Variants in ITGAM observed in about 807,000 individuals in gnomAD.
ITGAM encodes the protein integrin alpha-M.
Under a neutral mutation model 137.5 loss-of-function variants are expected in ITGAM, and 79 were observed. That is an observed-to-expected ratio of 0.57 (90% CI 0.48 to 0.69). The LOEUF (loss-of-function observed/expected upper bound fraction) is 0.69, where lower values mean the gene tolerates loss of function less well. Ranked by LOEUF, ITGAM falls within the 30% of genes least tolerant of loss-of-function variation. ITGAM has a pLI of 0.00. For missense variants in ITGAM, 1,343 were observed against 1,483.5 expected, an observed-to-expected ratio of 0.91 and a Z score of 1.56; for synonymous variants, 583 against 592.3, an observed-to-expected ratio of 0.98 and a Z score of 0.23.
chr16:31,313,933 A>G (rs1225728060), intron 14 of ITGAM, among the ~76,000 whole-genome samples: 1 of 152,010 alleles, frequency 6.6e-6, no homozygotes, highest in African/African-American at 2.4e-5. Flanking sequence ...AACTGGCATG[A>G]GATGGTATCT....
chr16:31,294,589 A>G (rs2080115762), intron 12 of ITGAM, among the ~76,000 whole-genome samples: 1 of 152,140 alleles, frequency 6.6e-6, no homozygotes, highest in South Asian at 2.1e-4. Flanking sequence ...AGCCTACCTG[A>G]TCATGGTGGA....
chr16:31,292,755 T>C (rs946984211), intron 12 of ITGAM, among the ~76,000 whole-genome samples: 1 of 152,180 alleles, frequency 6.6e-6, no homozygotes, highest in South Asian at 2.1e-4. Context: ...GGTAGGATGA[T>C]ATATATTACT....
At chr16:31,306,886 G>A (rs1457797830) in intron 14 of ITGAM, among the ~76,000 whole-genome samples, 2 of 152,120 alleles carry the variant, frequency 1.3e-5, no homozygotes, top group African/African-American at 4.8e-5. Flanking sequence ...GTTAGTATTA[G>A]TGTCCAATAA....
At chr16:31,265,982 A>G in intron 4 of ITGAM, 48 bp from the exon 5 acceptor site, 1 of 1,595,260 alleles carries the variant, frequency 6.3e-7, no homozygotes, top group Non-Finnish European at 8.6e-7. Context: ...GCTGGGGTAC[A>G]AGGACAGGAA....
chr16:31,330,620 C>T lies in ITGAM; in HGVS notation c.3276+15C>T. 1.9e-6 allele frequency: 3 copies of T among 1,569,554 alleles called. No homozygotes were observed. The highest frequency in any genetic ancestry group is 2.6e-6 in the Non-Finnish European group (3 of 1,152,306). ...TGAGGTCCCAGGTACCTGTCTTGGG[C>T]GCTGAGGAACTATTGGAGGGAGAGG... is the stretch of plus-strand genomic sequence containing the variant. On this transcript the variant is annotated intron_variant, in intron 28 of 29. Transcript: ENST00000544665.
chr16:31,310,100 C>G (rs574984371), intron 14 of ITGAM, among the ~76,000 whole-genome samples: 1,722 of 151,194 alleles, frequency 0.011, 36 homozygotes, highest in African/African-American at 0.04. Context: ...GTGGGTAACC[C>G]AACCTTTCTC....
intron 16 of ITGAM, among the ~76,000 whole-genome samples, chr16:31,323,783 T>C (rs1392508572): frequency 6.6e-6 from 1 of 152,054 alleles, no homozygotes; most frequent in East Asian, 1.9e-4. Flanking sequence ...CCTAGCGCTT[T>C]GGGAGGCTGA....
intron 14 of ITGAM, among the ~76,000 whole-genome samples, chr16:31,302,923 T>C (rs1365990297): frequency 1.9e-4 from 1 of 5,254 alleles, no homozygotes; most frequent in African/African-American, 6.7e-4. Flanking sequence ...CCTCCCTCTT[T>C]CTTTCTTTCT....
At chr16:31,280,674 C>T (rs1241005168) in intron 12 of ITGAM, among the ~76,000 whole-genome samples, 4 of 152,112 alleles carry the variant, frequency 2.6e-5, no homozygotes, top group South Asian at 2.1e-4. Flanking sequence ...ACAATCATGT[C>T]GTCTGCAAAC....
chr16:31,297,955 G>A lies in ITGAM; in HGVS notation c.1707+1G>A, dbSNP rs2080154669. 1 of 1,611,666 alleles carries A rather than the reference G, an allele frequency of 6.2e-7. No individual in the cohort carries two copies. The highest frequency in any genetic ancestry group is 8.5e-7 in the Non-Finnish European group (1 of 1,177,902). On this transcript the variant is annotated splice_donor_variant, in intron 14 of 29. Coordinates refer to ENST00000544665, the MANE Select transcript of ITGAM (RefSeq NM_000632.4). LOFTEE classifies it high-confidence loss of function. ...TGGCATCAGCCCCTCCCATAGCCAGGTGAGACCTGGTCACTGTCCTTGTCA... is the reference window on the plus strand; with the variant it reads ...TGGCATCAGCCCCTCCCATAGCCAGATGAGACCTGGTCACTGTCCTTGTCA...
chr16:31,277,997 G>A lies in ITGAM; in HGVS notation c.1244G>A (p.Arg415Gln), dbSNP rs772480748. Residue 415 changes from arginine (R) to glutamine (Q), a missense_variant, in exon 12 of 30, where the codon CGG becomes CAG. Transcript: ENST00000544665. ...GCTGCCGCCATCATCTTACGGAACC[G>A]GGTGCAAAGCCTGGTTCTGGGGGCA... ...GYAAAIILRN[R>Q]VQSLVLGAPR... 21 of 1,602,944 alleles carry A rather than the reference G, an allele frequency of 1.3e-5. No individual in the cohort carries two copies. Among genetic ancestry groups the A allele is most frequent in the Admixed American group, 1.7e-5 (1 of 58,348 alleles).
chr16:31,264,501 G>A (rs986616202), intron 2 of ITGAM, among the ~76,000 whole-genome samples: 86 of 152,118 alleles, frequency 5.7e-4, no homozygotes, highest in Middle Eastern at 3.4e-3. Context: ...TGTGTGGGCC[G>A]GGTCCAGTGG....
chr16:31,301,125 T>C (rs2144395188), intron 14 of ITGAM, among the ~76,000 whole-genome samples: 1 of 152,338 alleles, frequency 6.6e-6, no homozygotes, highest in South Asian at 2.1e-4. Flanking sequence ...TCTGTACTTT[T>C]GGTGTCATAG....
intron 10 of ITGAM, 54 bp from the exon 11 acceptor site, chr16:31,276,866 G>A (rs1399471256): frequency 1.3e-6 from 2 of 1,593,970 alleles, no homozygotes; most frequent in African/African-American, 2.7e-5. Context: ...TCTGTGAGGG[G>A]CAGCGGTTGT....
At chr16:31,323,989 G>T (rs2080477041) in intron 16 of ITGAM, among the ~76,000 whole-genome samples, 3 of 151,712 alleles carry the variant, frequency 2.0e-5, no homozygotes, top group African/African-American at 7.3e-5. Context: ...CTCCAGCCTG[G>T]GCAAGAGAGT....
intron 14 of ITGAM, among the ~76,000 whole-genome samples, chr16:31,301,396 G>T (rs2144395848): frequency 6.6e-6 from 1 of 152,124 alleles, no homozygotes; most frequent in Middle Eastern, 3.4e-3. Context: ...TTATTTCTGG[G>T]CTCTGTATTC....
At chr16:31,330,745 T>A (rs1433723782) in intron 28 of ITGAM, 140 bp downstream of exon 28, 1 of 640,508 alleles carries the variant, frequency 1.6e-6, no homozygotes, top group Non-Finnish European at 2.7e-6. Flanking sequence ...TACAGAGACG[T>A]AAGGAGAGAG....
intron 14 of ITGAM, 71 bp downstream of exon 14, chr16:31,298,025 C>A: frequency 8.0e-7 from 1 of 1,248,154 alleles, no homozygotes; most frequent in Non-Finnish European, 1.2e-6. Flanking sequence ...TCAGTGTGCC[C>A]ACAGCTGCCA....
chr16:31,275,014 G>A (rs1018427572), intron 8 of ITGAM, among the ~76,000 whole-genome samples: 6 of 152,156 alleles, frequency 3.9e-5, no homozygotes, highest in Non-Finnish European at 8.8e-5. Flanking sequence ...AGTCAGTTAT[G>A]TCAAGGGTGC....
Sources: allele counts gnomAD v4.1 joint callset (sites outside exome capture counted in the v4.1 genomes callset), GRCh38; gene constraint gnomAD v4.1.1; transcripts MANE v1.5; gene names NCBI Gene and HGNC (gene_info 2026-07-23, HGNC 2026-07-21).